The following AKAP6 variants were observed in gnomAD, a reference collection of about 807,000 sequenced individuals.
AKAP6 encodes the protein A-kinase anchor protein 6.
Under a neutral mutation model 188.5 loss-of-function variants are expected in AKAP6, and 58 were observed. That is an observed-to-expected ratio of 0.31 (90% confidence interval 0.25 to 0.38). The LOEUF (loss-of-function observed/expected upper bound fraction) is 0.38. Ranked by LOEUF, AKAP6 falls within the 10% of genes least tolerant of loss-of-function variation. The pLI is 1.00. For synonymous variants in AKAP6, 989 were observed against 998.6 expected, an observed-to-expected ratio of 0.99 and a Z score of 0.18; for missense variants, 2,710 against 2,740.0, an observed-to-expected ratio of 0.99 and a Z score of 0.24.
chr14:32,631,055 A>C (rs563924644), intron 7 of AKAP6, among the ~76,000 whole-genome samples: 7 of 152,134 alleles, frequency 4.6e-5, no homozygotes, highest in African/African-American at 1.7e-4. Flanking sequence ...TTAGATCAAG[A>C]TATTTTATAC....
chr14:32,632,746 A>G lies in AKAP6; in HGVS notation c.2730+31954A>G, dbSNP rs555906426. On this transcript the variant is annotated intron_variant, in intron 7 of 13. Transcript: ENST00000280979. The stretch of plus-strand genomic sequence containing the variant: ...CTGGGACAGGAAAAACCAATCAGAG[A>G]GCATAAAGCTAAGATTCAGACTCTA... 1.2e-4 allele frequency among the ~76,000 whole-genome samples: 19 copies of G among 152,232 alleles called. No individual in the cohort carries two copies. In the South Asian group the frequency reaches 3.9e-3, roughly 32 times the overall value.
At chr14:32,649,600 T>C (rs1888125520) in intron 7 of AKAP6, among the ~76,000 whole-genome samples, 2 of 152,210 alleles carry the variant, frequency 1.3e-5, no homozygotes, top group South Asian at 4.1e-4. Flanking sequence ...GACATCTTTT[T>C]CCTTACTGCA....
chr14:32,690,008 T>A (rs1890103950), intron 8 of AKAP6, among the ~76,000 whole-genome samples: 1 of 151,822 alleles, frequency 6.6e-6, no homozygotes, highest in South Asian at 2.1e-4. Context: ...ACCAGTCTGG[T>A]GTTTTTAGAT....
At chr14:32,409,342 G>A (rs1566487904) in intron 1 of AKAP6, among the ~76,000 whole-genome samples, 1 of 152,182 alleles carries the variant, frequency 6.6e-6, no homozygotes, top group African/African-American at 2.4e-5. Context: ...AGGGACTACA[G>A]AACTACACAG....
chr14:32,688,168 C>A (rs576657154), intron 8 of AKAP6, among the ~76,000 whole-genome samples: 4 of 151,314 alleles, frequency 2.6e-5, no homozygotes, highest in African/African-American at 7.3e-5. Context: ...ACACCACACA[C>A]ACACGTCTTT....
intron 1 of AKAP6, among the ~76,000 whole-genome samples, chr14:32,331,493 T>C (rs897405868): frequency 6.6e-6 from 1 of 152,064 alleles, no homozygotes; most frequent in African/African-American, 2.4e-5. Context: ...ATTACAGTTC[T>C]CCAACTTTAT....
chr14:32,355,618 A>G lies in AKAP6; in HGVS notation c.-35+26210A>G, dbSNP rs1887456191. 2.0e-5 allele frequency among the ~76,000 whole-genome samples: 3 copies of G among 152,366 alleles called. No homozygotes were observed. In the South Asian group the frequency reaches 6.2e-4, roughly 32 times the overall value. On this transcript the variant is annotated intron_variant, in intron 1 of 13. Coordinates refer to ENST00000280979, the MANE Select transcript of AKAP6 (RefSeq NM_004274.5). The stretch of plus-strand genomic sequence containing the variant: ...AATATTTGTGCTTTTTTATTAACAC[A>G]ATAGACAAGATCTAGTGGTGGGCCT...
At chr14:32,510,492 A>ATATATATACATATATATATATGTG (rs1881202137) in intron 2 of AKAP6, among the ~76,000 whole-genome samples, 1 of 113,444 alleles carries the variant, frequency 8.8e-6, no homozygotes, top group Non-Finnish European at 1.7e-5. Context: ...ATATATGTGT[A>ATATATATACATATATATATATGTG]TATATATATA....
chr14:32,646,902 A>T (rs1317829192), intron 7 of AKAP6, among the ~76,000 whole-genome samples: 7 of 152,154 alleles, frequency 4.6e-5, no homozygotes. Flanking sequence ...TTTTGTATAT[A>T]GACAAGTTAA....
intron 11 of AKAP6, among the ~76,000 whole-genome samples, chr14:32,761,751 G>A (rs1256375085): frequency 1.3e-5 from 2 of 151,796 alleles, no homozygotes; most frequent in African/African-American, 2.4e-5. Context: ...GTTTACTGAC[G>A]GGGTGTATGG....
chr14:32,542,625 T>C (rs1009003415), intron 3 of AKAP6, among the ~76,000 whole-genome samples: 4 of 152,124 alleles, frequency 2.6e-5, no homozygotes, highest in Non-Finnish European at 4.4e-5. Flanking sequence ...GGGTATAGGT[T>C]GGAAGCTTTC....
At chr14:32,483,366 C>T (rs1295320384) in intron 2 of AKAP6, among the ~76,000 whole-genome samples, 1 of 151,866 alleles carries the variant, frequency 6.6e-6, no homozygotes. Flanking sequence ...TCTTGGTTTG[C>T]TGTTTATCTT....
intron 12 of AKAP6, among the ~76,000 whole-genome samples, chr14:32,785,638 GTAAATATA>G (rs2033377482): frequency 6.6e-6 from 1 of 152,176 alleles, no homozygotes; most frequent in Admixed American, 6.5e-5. Context: ...GCAAAGTGTT[GTAAATATA>G]AGGCTCTTTG....
intron 2 of AKAP6, among the ~76,000 whole-genome samples, chr14:32,466,573 T>TG (rs1329116972): frequency 8.6e-5 from 13 of 151,548 alleles, no homozygotes; most frequent in Admixed American, 6.6e-4. Context: ...CAGAGCCTGT[T>TG]GGGGGGTGGG....
At chr14:32,556,318 G>GTT (rs1413746028) in intron 4 of AKAP6, among the ~76,000 whole-genome samples, 2 of 152,020 alleles carry the variant, frequency 1.3e-5, no homozygotes, top group African/African-American at 2.4e-5. Context: ...TTGTTGTTCA[G>GTT]TTGTAGGAGT....
intron 9 of AKAP6, among the ~76,000 whole-genome samples, chr14:32,712,217 G>T (rs2029910777): frequency 6.6e-6 from 1 of 151,938 alleles, no homozygotes. Flanking sequence ...TGTTAAGTGT[G>T]CAATAGCATT....
rs1308996401 is a variant in AKAP6, at chr14:32,577,167, C to G, written c.2394C>G (p.Ala798=). Residue 798 remains alanine (A), a synonymous_variant, in exon 5 of 14, where the codon GCC becomes GCG. Coordinates refer to ENST00000280979, the MANE Select transcript of AKAP6 (RefSeq NM_004274.5). ...LDEFIQWLNE[A]METTENWTPP... is the part of the protein sequence containing the mutation. ...AATTCATTCAATGGTTAAATGAAGC[C>G]ATGGAAACTACAGAAAATTGGACTC... The G allele has an allele frequency of 6.2e-7, 1 of 1,612,102 alleles. No homozygotes were observed. The highest frequency in any genetic ancestry group is 2.2e-5 in the East Asian group (1 of 44,774).
At chr14:32,829,499 A>G (rs530177939) in intron 13 of AKAP6, among the ~76,000 whole-genome samples, 53 of 147,164 alleles carry the variant, frequency 3.6e-4, no homozygotes, top group African/African-American at 1.2e-3. Context: ...ACATTTTCAT[A>G]TTGGTTTGAA....
At chr14:32,506,770 T>G (rs1366214314) in intron 2 of AKAP6, among the ~76,000 whole-genome samples, 1 of 152,058 alleles carries the variant, frequency 6.6e-6, no homozygotes, top group Non-Finnish European at 1.5e-5. Flanking sequence ...TGACCTCAAG[T>G]GATCTGCCCA....
Sources: allele counts gnomAD v4.1 joint callset (sites outside exome capture counted in the v4.1 genomes callset), GRCh38; gene constraint gnomAD v4.1.1; transcripts MANE v1.5; gene names NCBI Gene and HGNC (gene_info 2026-07-23, HGNC 2026-07-21).